The following WWOX variants were observed in gnomAD, a reference collection of about 807,000 sequenced individuals.
The protein encoded by WWOX is WW domain containing oxidoreductase.
A neutral mutation model predicts 46.2 loss-of-function variants in WWOX; 69 were observed. The observed-to-expected ratio is 1.49, with a 90% CI of 1.23 to 1.82. The LOEUF is 1.82. WWOX is among the 40% of genes most tolerant of loss of function. The pLI, the probability that WWOX is intolerant of heterozygous loss-of-function variation, is 0.00. For missense variants in WWOX, 919 were observed against 542.6 expected, an observed-to-expected ratio of 1.69 and a Z score of -6.89; for synonymous variants, 359 against 202.6, an observed-to-expected ratio of 1.77 and a Z score of -6.56.
chr16:78,312,243 A>G lies in WWOX; in HGVS notation c.517-74617A>G, dbSNP rs990166426. 5.8e-5 allele frequency among the ~76,000 whole-genome samples: 8 copies of G among 137,068 alleles called. No individual in the cohort carries two copies. In the East Asian group the frequency reaches 1.4e-3, roughly 25 times the overall value. The allele number at this position is 137,068 out of a possible 152,430, so 89.9% of individuals were successfully genotyped here. ...TATAACCTGGCGTAGTCTCGATTTT[A>G]TTTTAATTTTTTAATTGAATTCAGC... On this transcript the variant is annotated intron_variant, in intron 5 of 8. Coordinates refer to ENST00000566780, the MANE Select transcript of WWOX (RefSeq NM_016373.4).
rs1555548257 is a variant in WWOX at position 78,842,755 on chromosome 16, G to GTAGGGATGCAAATAATGTATCATCCAT, written c.1057-368853_1057-368852insTAGGGATGCAAATAATGTATCATCCAT. 2.6e-5 allele frequency among the ~76,000 whole-genome samples: 4 copies of GTAGGGATGCAAATAATGTATCATCCAT among 151,212 alleles called. No individual in the cohort carries two copies. In the South Asian group the frequency reaches 6.3e-4, roughly 24 times the overall value. On this transcript the variant is annotated intron_variant, in intron 8 of 8. Transcript: ENST00000566780. ...TAGCCGCAGCTACTCAGGAGGCTGA[G>GTAGGGATGCAAATAATGTATCATCCAT]GCAGTAGATTCATTTGAGCCCAGGA...
intron 8 of WWOX, among the ~76,000 whole-genome samples, chr16:78,573,196 G>T (rs1242685313): frequency 6.6e-6 from 1 of 152,160 alleles, no homozygotes; most frequent in Admixed American, 6.5e-5. Flanking sequence ...TGAGGCAGGA[G>T]AATGGCGTGA....
intron 8 of WWOX, among the ~76,000 whole-genome samples, chr16:78,488,423 G>A (rs574744200): frequency 1.3e-5 from 2 of 152,050 alleles, no homozygotes; most frequent in African/African-American, 4.8e-5. Context: ...GTACACCTGA[G>A]CCCTTTTTTA....
At chr16:79,105,119 T>C (rs1351663213) in intron 8 of WWOX, among the ~76,000 whole-genome samples, 1 of 152,162 alleles carries the variant, frequency 6.6e-6, no homozygotes, top group East Asian at 1.9e-4. Context: ...GCTGGGGGTC[T>C]TTGGGTGGGT....
intron 8 of WWOX, among the ~76,000 whole-genome samples, chr16:78,779,334 A>G (rs1305674257): frequency 6.6e-6 from 1 of 152,086 alleles, no homozygotes; most frequent in Non-Finnish European, 1.5e-5. Context: ...TTTAGTAGAG[A>G]GGCAGTTTTG....
At chr16:78,590,434 C>G (rs939160749) in intron 8 of WWOX, among the ~76,000 whole-genome samples, 16 of 152,322 alleles carry the variant, frequency 1.1e-4, no homozygotes, top group African/African-American at 3.8e-4. Context: ...AAGAACCCTT[C>G]AACTCTAATA....
intron 8 of WWOX, among the ~76,000 whole-genome samples, chr16:78,782,278 C>G (rs2050347321): frequency 6.6e-6 from 1 of 152,174 alleles, no homozygotes; most frequent in Admixed American, 6.5e-5. Flanking sequence ...CTGTCTTTAC[C>G]TTCAGCTGCA....
chr16:78,893,562 T>G (rs745934463), intron 8 of WWOX, among the ~76,000 whole-genome samples: 2 of 152,214 alleles, frequency 1.3e-5, no homozygotes, highest in Non-Finnish European at 2.9e-5. Context: ...ACTCAGCTCC[T>G]TCCACTTCTG....
chr16:78,464,965 A>G (rs2084040330), intron 8 of WWOX, among the ~76,000 whole-genome samples: 1 of 152,234 alleles, frequency 6.6e-6, no homozygotes, highest in African/African-American at 2.4e-5. Context: ...CCTCAAAATT[A>G]TGGCAGAAGG....
At chr16:78,431,704 T>TTA (rs398029978) in intron 7 of WWOX, among the ~76,000 whole-genome samples, 3 of 150,934 alleles carry the variant, frequency 2.0e-5, no homozygotes, top group African/African-American at 4.9e-5. Context: ...TTTTTTTTTT[T>TTA]AATTTTTAAA....
At chr16:78,358,681 T>C (rs1301612214) in intron 5 of WWOX, among the ~76,000 whole-genome samples, 1 of 150,294 alleles carries the variant, frequency 6.7e-6, no homozygotes, top group East Asian at 1.9e-4. Flanking sequence ...TATGTGTGTG[T>C]GTGTGTGTGT....
At chr16:78,596,690 A>C (rs1391112283) in intron 8 of WWOX, among the ~76,000 whole-genome samples, 3 of 152,168 alleles carry the variant, frequency 2.0e-5, no homozygotes, top group Non-Finnish European at 4.4e-5. Flanking sequence ...AGGGAGAATC[A>C]GTTGAGAGGT....
intron 8 of WWOX, among the ~76,000 whole-genome samples, chr16:78,826,824 C>A (rs1055895722): frequency 6.6e-6 from 1 of 152,182 alleles, no homozygotes; most frequent in African/African-American, 2.4e-5. Context: ...CCACCCCTCT[C>A]ACCAGCTGTG....
chr16:78,788,086 C>G (rs367704383), intron 8 of WWOX, among the ~76,000 whole-genome samples: 1 of 152,144 alleles, frequency 6.6e-6, no homozygotes, highest in Non-Finnish European at 1.5e-5. Context: ...TTCTCTCAAT[C>G]TATGGGTAGG....
intron 8 of WWOX, among the ~76,000 whole-genome samples, chr16:79,169,165 A>G (rs1278496274): frequency 1.3e-5 from 2 of 152,230 alleles, no homozygotes; most frequent in Non-Finnish European, 1.5e-5. Flanking sequence ...GGAAACCAAG[A>G]CTTGAAACAT....
chr16:78,262,596 G>C, intron 5 of WWOX, among the ~76,000 whole-genome samples: 1 of 152,118 alleles, frequency 6.6e-6, no homozygotes. Flanking sequence ...CAGCATATAA[G>C]GCATATATGC....
intron 8 of WWOX, among the ~76,000 whole-genome samples, chr16:78,518,724 A>G (rs2043289213): frequency 6.6e-6 from 1 of 152,206 alleles, no homozygotes; most frequent in East Asian, 1.9e-4. Flanking sequence ...GGGCAGCCAC[A>G]CAGAGAAGGT....
chr16:78,871,759 C>A (rs550819600), intron 8 of WWOX, among the ~76,000 whole-genome samples: 2 of 152,276 alleles, frequency 1.3e-5, no homozygotes, highest in African/African-American at 4.8e-5. Flanking sequence ...ACCACCATAC[C>A]CACCTAATTT....
At chr16:78,799,456 A>G (rs2050828277) in intron 8 of WWOX, among the ~76,000 whole-genome samples, 2 of 152,234 alleles carry the variant, frequency 1.3e-5, no homozygotes. Context: ...TTTACTCACC[A>G]GGGATAGAGT....
Sources: allele counts gnomAD v4.1 joint callset (sites outside exome capture counted in the v4.1 genomes callset), GRCh38; gene constraint gnomAD v4.1.1; transcripts MANE v1.5; gene names NCBI Gene and HGNC (gene_info 2026-07-23, HGNC 2026-07-21).